The following SPPL3 variants were observed in gnomAD, a reference collection of about 807,000 sequenced individuals.
The protein encoded by SPPL3 is signal peptide peptidase-like 3.
SPPL3 carries 5 observed loss-of-function variants against 42.4 expected under a neutral mutation model. The observed-to-expected ratio is 0.12, with a 90% CI of 0.06 to 0.25. SPPL3 has a LOEUF of 0.25. SPPL3 is among the 10% of genes least tolerant of loss of function. The pLI is 1.00. For synonymous variants in SPPL3, 195 were observed against 181.8 expected (o/e 1.07, Z -0.58); for missense variants, 235 against 489.0 (o/e 0.48, Z 4.90).
chr12:120,883,253 C>T (rs552119402), intron 1 of SPPL3, among the ~76,000 whole-genome samples: 2 of 146,926 alleles, frequency 1.4e-5, no homozygotes, highest in Admixed American at 6.8e-5. Flanking sequence ...TGCAGTGAGC[C>T]GAGATCGCAC....
chr12:120,819,983 T>G (rs1871004248), intron 1 of SPPL3, among the ~76,000 whole-genome samples: 1 of 152,142 alleles, frequency 6.6e-6, no homozygotes, highest in Non-Finnish European at 1.5e-5. Context: ...ACAAGTAATG[T>G]TAGTAGTACT....
At chr12:120,794,297 G>C (rs1870024653) in intron 2 of SPPL3, among the ~76,000 whole-genome samples, 1 of 151,784 alleles carries the variant, frequency 6.6e-6, no homozygotes, top group Non-Finnish European at 1.5e-5. Flanking sequence ...CTAACCACTA[G>C]ACAACAGGGA....
At chr12:120,777,730 T>A (rs1454035695) in intron 6 of SPPL3, among the ~76,000 whole-genome samples, 1 of 152,230 alleles carries the variant, frequency 6.6e-6, no homozygotes, top group African/African-American at 2.4e-5. Flanking sequence ...ATTTGGGAAA[T>A]CAGGTCTGGT....
chr12:120,884,576 C>T (rs868479521), intron 1 of SPPL3, among the ~76,000 whole-genome samples: 2 of 148,076 alleles, frequency 1.4e-5, no homozygotes, highest in Non-Finnish European at 3.0e-5. Context: ...CCAACTGTCA[C>T]AATATATGGA....
At chr12:120,881,561 T>G (rs1227111480) in intron 1 of SPPL3, among the ~76,000 whole-genome samples, 4 of 146,580 alleles carry the variant, frequency 2.7e-5, no homozygotes, top group Admixed American at 2.1e-4. Context: ...TAGGTTTATA[T>G]CCAAAAGAAC....
intron 1 of SPPL3, chr12:120,903,559 G>A (rs1201287421): frequency 7.3e-6 from 3 of 413,176 alleles, no homozygotes; most frequent in Non-Finnish European, 1.3e-5. Flanking sequence ...TCCCACCCCC[G>A]GGGTCATGCT....
chr12:120,835,340 C>G (rs532703), intron 1 of SPPL3: 44,032 of 152,190 alleles, frequency 0.29, 7,713 homozygotes, highest in Non-Finnish European at 0.4. Context: ...ATGAAATACT[C>G]TCTAAGCATG....
chr12:120,860,722 T>C (rs564280481), intron 1 of SPPL3, among the ~76,000 whole-genome samples: 63 of 152,228 alleles, frequency 4.1e-4, no homozygotes, highest in African/African-American at 1.2e-3. Flanking sequence ...GAAGGAGAAA[T>C]TAGTCTGGTA....
chr12:120,777,029 T>C (rs1164301251), intron 6 of SPPL3, among the ~76,000 whole-genome samples: 1 of 152,222 alleles, frequency 6.6e-6, no homozygotes, highest in Non-Finnish European at 1.5e-5. Context: ...GATTTAAGTG[T>C]ATCATTATGG....
intron 6 of SPPL3, among the ~76,000 whole-genome samples, chr12:120,772,621 AGAAC>A (rs1869164507): frequency 6.6e-6 from 1 of 152,236 alleles, no homozygotes; most frequent in Non-Finnish European, 1.5e-5. Flanking sequence ...TCATTTTCAT[AGAAC>A]TGGTGGTAAA....
chr12:120,799,697 T>C (rs1024860009), intron 2 of SPPL3, among the ~76,000 whole-genome samples: 2 of 152,188 alleles, frequency 1.3e-5, no homozygotes, highest in African/African-American at 4.8e-5. Flanking sequence ...TGTTTGGTTG[T>C]TAGAAGCAGA....
intron 1 of SPPL3, among the ~76,000 whole-genome samples, chr12:120,888,852 A>T (rs900158700): frequency 2.0e-5 from 3 of 152,120 alleles, no homozygotes; most frequent in Non-Finnish European, 4.4e-5. Flanking sequence ...TTTGTCACCC[A>T]GGGCGGAGTA....
intron 1 of SPPL3, among the ~76,000 whole-genome samples, chr12:120,897,648 G>A (rs1262731065): frequency 2.0e-5 from 3 of 152,122 alleles, no homozygotes; most frequent in Non-Finnish European, 4.4e-5. Context: ...GCGTGAACCC[G>A]GAAGGCGGAG....
At chr12:120,795,623 T>C (rs529819552) in intron 2 of SPPL3, among the ~76,000 whole-genome samples, 29 of 150,986 alleles carry the variant, frequency 1.9e-4, no homozygotes, top group Non-Finnish European at 4.3e-4. Context: ...CATGCTTTTT[T>C]GCCCCCTCTG....
chr12:120,791,796 T>C, intron 2 of SPPL3: 1 of 441,792 alleles, frequency 2.3e-6, no homozygotes. Context: ...CTTCCACTCC[T>C]ATCTCTGAGC....
intron 1 of SPPL3, among the ~76,000 whole-genome samples, chr12:120,854,543 TTGA>T (rs1555252785): frequency 2.6e-5 from 4 of 151,914 alleles, no homozygotes; most frequent in Non-Finnish European, 5.9e-5. Context: ...AAAACAATAA[TTGA>T]TGAACAAGAG....
intron 10 of SPPL3, among the ~76,000 whole-genome samples, 167 bp downstream of exon 10, chr12:120,766,096 G>GTGCA (rs1566035697): frequency 2.2e-5 from 2 of 90,806 alleles, no homozygotes; most frequent in East Asian, 6.1e-4. Flanking sequence ...GGTAGCGCGC[G>GTGCA]CGCGCACACA....
At chr12:120,788,119 G>A (rs951009817) in intron 3 of SPPL3, among the ~76,000 whole-genome samples, 7 of 152,208 alleles carry the variant, frequency 4.6e-5, no homozygotes, top group South Asian at 2.1e-4. Flanking sequence ...GCTAACGCAT[G>A]CTCTCCAGTA....
intron 1 of SPPL3, among the ~76,000 whole-genome samples, chr12:120,853,646 T>C (rs1470232174): frequency 6.6e-6 from 1 of 152,180 alleles, no homozygotes; most frequent in Non-Finnish European, 1.5e-5. Flanking sequence ...TTCTCAAAGC[T>C]GATGGTGTAT....
Sources: allele counts gnomAD v4.1 joint callset (sites outside exome capture counted in the v4.1 genomes callset), GRCh38; gene constraint gnomAD v4.1.1; transcripts MANE v1.5; gene names NCBI Gene and HGNC (gene_info 2026-07-23, HGNC 2026-07-21).